EXOC4: variants seen among roughly 807,000 people sequenced by gnomAD.
EXOC4 encodes the protein exocyst complex component 4.
Under a neutral mutation model 107.2 loss-of-function variants are expected in EXOC4, and 71 were observed. That is an observed-to-expected ratio of 0.66 (90% CI 0.55 to 0.81). The LOEUF is 0.81. Ranked by LOEUF, EXOC4 falls within the 30% of genes least tolerant of loss-of-function variation. EXOC4 has a pLI of 0.00. For synonymous variants in EXOC4, 456 were observed against 441.2 expected (o/e 1.03, Z -0.42); for missense variants, 1,108 against 1,189.6 (o/e 0.93, Z 1.01).
rs142887400 is a variant in EXOC4, at chr7:133,655,983, A to G, written c.1514+25842A>G. Among the ~76,000 whole-genome samples, 368 of 152,302 alleles carry G rather than the reference A, an allele frequency of 2.4e-3. 5 individuals are homozygous for G. Among genetic ancestry groups the G allele is most frequent in the African/African-American group, 8.2e-3 (342 of 41,570 alleles). On this transcript the variant is annotated intron_variant, in intron 10 of 17. Coordinates refer to ENST00000253861, the MANE Select transcript of EXOC4 (RefSeq NM_021807.4). ...TTGTTGACAGCAGCATCAGCACAAT[A>G]CATGAGTAATGCATTGTGCTGTGAC...
intron 14 of EXOC4, among the ~76,000 whole-genome samples, chr7:133,947,191 G>A (rs1400218985): frequency 1.3e-5 from 2 of 152,174 alleles, no homozygotes; most frequent in Non-Finnish European, 1.5e-5. Flanking sequence ...GAAGTTCTTA[G>A]CAGTGTGTGA....
In EXOC4 at chr7:133,901,422, A is replaced by G. The variant is rs549379731; in HGVS notation, c.1871+5687A>G. ...ATATTACTTAGTGCCTCAGGAGTTCATATGTTTTTCTAACTAGGAACCTGG... is the reference window on the plus strand; with the variant it reads ...ATATTACTTAGTGCCTCAGGAGTTCGTATGTTTTTCTAACTAGGAACCTGG... On this transcript the variant is annotated intron_variant, in intron 12 of 17. Transcript: ENST00000253861. Among the ~76,000 whole-genome samples the G allele has an allele frequency of 2.6e-4, 39 of 152,180 alleles. No individual in the cohort carries two copies. The South Asian group carries it at 7.9e-3, about 31-fold the overall frequency.
At chr7:133,537,649 G>A (rs1042711433) in intron 9 of EXOC4, among the ~76,000 whole-genome samples, 1 of 152,120 alleles carries the variant, frequency 6.6e-6, no homozygotes, top group Non-Finnish European at 1.5e-5. Context: ...GTAGTCTTAA[G>A]ACTCAGACAA....
At chr7:133,358,723 T>C (rs1198712508) in intron 6 of EXOC4, among the ~76,000 whole-genome samples, 1 of 152,210 alleles carries the variant, frequency 6.6e-6, no homozygotes, top group Non-Finnish European at 1.5e-5. Context: ...TTAATAACTT[T>C]TCTGCAGATC....
At chr7:133,842,726 A>G (rs1798047055) in intron 11 of EXOC4, among the ~76,000 whole-genome samples, 1 of 152,150 alleles carries the variant, frequency 6.6e-6, no homozygotes, top group Non-Finnish European at 1.5e-5. Context: ...TATGTCCAGA[A>G]TGGTATTTCC....
At chr7:133,817,582 A>G (rs1797402682) in intron 11 of EXOC4, 38 bp downstream of exon 11, 3 of 1,437,122 alleles carry the variant, frequency 2.1e-6, no homozygotes, top group South Asian at 1.2e-5. Context: ...TTTATCAGCA[A>G]TTTTCATTGA....
chr7:133,365,610 G>A (rs1347164179), intron 6 of EXOC4, among the ~76,000 whole-genome samples: 1 of 152,126 alleles, frequency 6.6e-6, no homozygotes, highest in Non-Finnish European at 1.5e-5. Flanking sequence ...TTTTCATAGA[G>A]CAGATGGAGA....
chr7:134,046,488 AG>A (rs66875443), intron 17 of EXOC4, among the ~76,000 whole-genome samples: 1 of 151,236 alleles, frequency 6.6e-6, no homozygotes, highest in East Asian at 2.1e-4. Context: ...AAACAAAAAA[AG>A]ACGGCTCAGA....
chr7:133,940,947 A>G (rs1047283171), intron 14 of EXOC4, among the ~76,000 whole-genome samples: 1 of 152,016 alleles, frequency 6.6e-6, no homozygotes, highest in Non-Finnish European at 1.5e-5. Flanking sequence ...GGTAAAGGCC[A>G]TGTTTTATTA....
At chr7:133,552,262 G>T (rs746175386) in intron 9 of EXOC4, among the ~76,000 whole-genome samples, 1 of 152,114 alleles carries the variant, frequency 6.6e-6, no homozygotes, top group Non-Finnish European at 1.5e-5. Context: ...TTGAGGCAGA[G>T]TTATTGGTTT....
intron 2 of EXOC4, among the ~76,000 whole-genome samples, chr7:133,284,176 A>G (rs1794222800): frequency 6.6e-6 from 1 of 152,192 alleles, no homozygotes; most frequent in African/African-American, 2.4e-5. Flanking sequence ...TGAGCTGATT[A>G]CATTGCACAT....
intron 17 of EXOC4, among the ~76,000 whole-genome samples, chr7:134,032,281 AAC>A (rs1055097667): frequency 5.9e-5 from 9 of 152,180 alleles, no homozygotes; most frequent in African/African-American, 1.9e-4. Flanking sequence ...TAAGTCTGTC[AAC>A]AGTTTCTCCT....
intron 14 of EXOC4, among the ~76,000 whole-genome samples, chr7:133,951,140 G>T (rs758923165): frequency 1.3e-5 from 2 of 152,158 alleles, no homozygotes; most frequent in Non-Finnish European, 2.9e-5. Context: ...AATGAGGAGG[G>T]GTGCTTTTCT....
At chr7:133,876,861 C>T (rs1323933519) in intron 11 of EXOC4, among the ~76,000 whole-genome samples, 3 of 151,882 alleles carry the variant, frequency 2.0e-5, no homozygotes, top group African/African-American at 7.3e-5. Flanking sequence ...GATTTTTCTA[C>T]TTATCGATGA....
intron 10 of EXOC4, among the ~76,000 whole-genome samples, chr7:133,718,760 T>C (rs1165961220): frequency 6.6e-6 from 1 of 152,200 alleles, no homozygotes; most frequent in Admixed American, 6.5e-5. Flanking sequence ...GGTGAATGTT[T>C]AGTAAACATT....
chr7:133,857,356 TA>T, intron 11 of EXOC4, among the ~76,000 whole-genome samples: 2 of 52,226 alleles, frequency 3.8e-5, no homozygotes, highest in Non-Finnish European at 3.6e-5. Context: ...TATATATATA[TA>T]TATATATATT....
intron 9 of EXOC4, among the ~76,000 whole-genome samples, chr7:133,508,074 A>G (rs961737676): frequency 1.3e-5 from 2 of 152,274 alleles, no homozygotes; most frequent in Non-Finnish European, 1.5e-5. Context: ...AAAAAAGAAA[A>G]GAAAAGAAAA....
chr7:133,447,599 TTAAA>T (rs1235790357), intron 7 of EXOC4, among the ~76,000 whole-genome samples: 2 of 152,010 alleles, frequency 1.3e-5, no homozygotes, highest in South Asian at 2.1e-4. Flanking sequence ...ATGTGCTTAT[TTAAA>T]TAAGCTTTTT....
At chr7:133,389,272 A>G (rs1251094858) in intron 7 of EXOC4, among the ~76,000 whole-genome samples, 1 of 152,066 alleles carries the variant, frequency 6.6e-6, no homozygotes, top group African/African-American at 2.4e-5. Flanking sequence ...AGGCTTAACT[A>G]TAAGAAATGG....
Sources: gnomAD v4.1 joint callset for allele counts (sites outside exome capture counted in the v4.1 genomes callset) on GRCh38, gnomAD v4.1.1 for gene constraint, MANE v1.5 for transcripts, NCBI Gene and HGNC (gene_info 2026-07-23, HGNC 2026-07-21) for gene names.